PTGFR: variants seen among roughly 807,000 people sequenced by gnomAD.
PTGFR encodes the protein prostaglandin F receptor, also known as prostaglandin F2-alpha receptor.
Under a neutral mutation model 26.2 loss-of-function variants are expected in PTGFR, and 15 were observed. The observed-to-expected ratio is 0.57, with a 90% CI of 0.38 to 0.88. The LOEUF (loss-of-function observed/expected upper bound fraction) is 0.88, where lower values mean the gene tolerates loss of function less well. Ranked by LOEUF, PTGFR falls within the 40% of genes least tolerant of loss-of-function variation. PTGFR has a pLI of 0.00. For missense variants in PTGFR, 369 were observed against 427.2 expected, an observed-to-expected ratio of 0.86 and a Z score of 1.20; for synonymous variants, 165 against 151.1, an observed-to-expected ratio of 1.09 and a Z score of -0.68.
chr1:78,518,634 C>T (rs899692587), intron 2 of PTGFR, among the ~76,000 whole-genome samples: 3 of 148,534 alleles, frequency 2.0e-5, no homozygotes, highest in East Asian at 2.0e-4. Flanking sequence ...GCATTTATAG[C>T]AGAGCATGTA....
At chr1:78,512,927 G>T (rs1415846799) in intron 2 of PTGFR, among the ~76,000 whole-genome samples, 1 of 152,136 alleles carries the variant, frequency 6.6e-6, no homozygotes, top group Non-Finnish European at 1.5e-5. Context: ...TGAAATGCCT[G>T]CTCCGCCTTT....
intron 2 of PTGFR, among the ~76,000 whole-genome samples, chr1:78,517,640 C>T (rs918495258): frequency 5.3e-5 from 8 of 152,062 alleles, no homozygotes; most frequent in Admixed American, 3.3e-4. Flanking sequence ...AGGTCATTCA[C>T]TGGAGCAAGG....
At chr1:78,532,232 A>G in intron 2 of PTGFR, 1 of 411,352 alleles carries the variant, frequency 2.4e-6, no homozygotes, top group Non-Finnish European at 4.8e-6. Flanking sequence ...ACTCAACGAG[A>G]AATGACAGAA....
Position 78,505,718 on chromosome 1 carries a change from A to T in PTGFR, c.798+12177A>T, listed in dbSNP as rs145428654. Among the ~76,000 whole-genome samples the T allele has an allele frequency of 4.2e-3, 633 of 152,296 alleles. 5 individuals carry two copies. The highest frequency in any genetic ancestry group is 5.7e-3 in the Non-Finnish European group (386 of 68,020). ...CTCCCCACACCCCAAAGTCCGTGAC[A>T]ACCACTAATTTCTCTCTTTCTGGAT... On this transcript the variant is annotated intron_variant, in intron 2 of 2. Coordinates refer to ENST00000370757, the MANE Select transcript of PTGFR (RefSeq NM_000959.4).
intron 2 of PTGFR, among the ~76,000 whole-genome samples, chr1:78,502,235 A>G (rs565078584): frequency 3.3e-5 from 5 of 152,278 alleles, no homozygotes; most frequent in African/African-American, 1.2e-4. Flanking sequence ...CAGGGAGTAA[A>G]GGATAAAGAT....
intron 2 of PTGFR, among the ~76,000 whole-genome samples, chr1:78,513,326 T>C (rs906257950): frequency 1.3e-5 from 2 of 152,248 alleles, no homozygotes; most frequent in Middle Eastern, 3.4e-3. Flanking sequence ...AGGTTTCAGA[T>C]GGAAATGAGG....
chr1:78,539,511 G>A lies in PTGFR; in HGVS notation c.*2824G>A, dbSNP rs1371998760. 1 of 152,376 alleles carries A rather than the reference G, an allele frequency of 6.6e-6. No individual in the cohort carries two copies. The highest frequency in any genetic ancestry group is 1.5e-5 in the Non-Finnish European group (1 of 67,968). 9.4% of individuals were successfully genotyped at this position (152,376 alleles called of 1,614,324 possible). On this transcript the variant is annotated 3_prime_UTR_variant, in exon 3 of 3. Transcript: ENST00000370757. Reference sequence around the variant, plus strand: ...TGGGTGTCAAAGATTTTACCACCTGGTAAATAATGTTGGACTTCAACTTGT... The same window carrying A: ...TGGGTGTCAAAGATTTTACCACCTGATAAATAATGTTGGACTTCAACTTGT...
intron 2 of PTGFR, among the ~76,000 whole-genome samples, chr1:78,513,836 G>A (rs11162501): frequency 2.0e-4 from 30 of 152,320 alleles, no homozygotes; most frequent in Middle Eastern, 3.4e-3. Flanking sequence ...CAGGGTGCCC[G>A]GACTCCACCT....
intron 2 of PTGFR, among the ~76,000 whole-genome samples, chr1:78,512,748 G>A (rs1023095365): frequency 6.6e-6 from 1 of 152,164 alleles, no homozygotes; most frequent in African/African-American, 2.4e-5. Context: ...TAGAGGTGGG[G>A]CCTGGTGAGA....
At chr1:78,523,097 A>T (rs1463239071) in intron 2 of PTGFR, among the ~76,000 whole-genome samples, 2 of 152,074 alleles carry the variant, frequency 1.3e-5, no homozygotes, top group African/African-American at 4.8e-5. Context: ...GTGTAGGTGT[A>T]CTATAATCTC....
intron 2 of PTGFR, among the ~76,000 whole-genome samples, chr1:78,527,350 T>C (rs2100393732): frequency 6.6e-6 from 1 of 152,236 alleles, no homozygotes; most frequent in East Asian, 1.9e-4. Flanking sequence ...CAATGATTGA[T>C]GGCCTCTCTT....
intron 2 of PTGFR, among the ~76,000 whole-genome samples, chr1:78,534,564 TA>T (rs1253634161): frequency 6.6e-6 from 1 of 152,178 alleles, no homozygotes; most frequent in Non-Finnish European, 1.5e-5. Context: ...ATGATCGATC[TA>T]AAAAATTAGT....
At chr1:78,496,588 G>A in intron 2 of PTGFR, among the ~76,000 whole-genome samples, 1 of 152,184 alleles carries the variant, frequency 6.6e-6, no homozygotes, top group East Asian at 1.9e-4. Flanking sequence ...CTAAAAGGAG[G>A]AAAGGAGTAA....
intron 2 of PTGFR, among the ~76,000 whole-genome samples, chr1:78,523,804 G>C (rs562431020): frequency 6.6e-6 from 1 of 151,936 alleles, no homozygotes; most frequent in African/African-American, 2.4e-5. Flanking sequence ...TTGTTAGTTG[G>C]GGTCTGTCTG....
In PTGFR at chr1:78,537,763, G is replaced by T. The variant is rs904521179; in HGVS notation, c.*1076G>T. The T allele has an allele frequency of 3.3e-5, 5 of 152,104 alleles. No individual in the cohort carries two copies. Among genetic ancestry groups the T allele is most frequent in the African/African-American group, 1.2e-4 (5 of 41,424 alleles). 9.4% of individuals were successfully genotyped at this position (152,104 alleles called of 1,614,324 possible). A position where few individuals can be genotyped will look rare whatever the true frequency, so the allele number is the denominator to read the frequency against. ...AAAGCCTGTGCTACCAGTACTAAGA[G>T]GGGAAGACTGGCAATTTGCCAAGCA... On this transcript the variant is annotated 3_prime_UTR_variant, in exon 3 of 3. Coordinates refer to ENST00000370757, the MANE Select transcript of PTGFR (RefSeq NM_000959.4).
Position 78,493,421 on chromosome 1 carries a change from A to T in PTGFR, c.678A>T (p.Thr226=), listed in dbSNP as rs776039904. ...TGTGCAATGCAATCACAGGAATTAC[A>T]CTTTTAAGAGTTAAATTTAAAAGTC... is the stretch of plus-strand genomic sequence containing the variant. ...SLLCNAITGI[T]LLRVKFKSQQ... The change falls in exon 2 of 3, where the codon ACA becomes ACT. Residue 226 remains threonine, a synonymous_variant. Transcript: ENST00000370757. 1 of 1,613,272 alleles carries T rather than the reference A, an allele frequency of 6.2e-7. No individual in the cohort carries two copies. The highest frequency in any genetic ancestry group is 8.5e-7 in the Non-Finnish European group (1 of 1,179,508).
intron 2 of PTGFR, among the ~76,000 whole-genome samples, chr1:78,505,269 C>T (rs1323641588): frequency 6.6e-6 from 1 of 151,572 alleles, no homozygotes; most frequent in African/African-American, 2.4e-5. Flanking sequence ...ATTACAGGCA[C>T]CCACCACCAC....
At chr1:78,517,334 G>A (rs756171138) in intron 2 of PTGFR, among the ~76,000 whole-genome samples, 2 of 152,216 alleles carry the variant, frequency 1.3e-5, no homozygotes, top group Middle Eastern at 3.4e-3. Flanking sequence ...TATGGGTTAC[G>A]GTCTTCTGAA....
chr1:78,506,293 G>A (rs976779253), intron 2 of PTGFR, among the ~76,000 whole-genome samples: 1 of 151,826 alleles, frequency 6.6e-6, no homozygotes, highest in African/African-American at 2.4e-5. Context: ...TCTTAATGTT[G>A]AGCATCTTTT....
Sources: gnomAD v4.1 joint callset for allele counts (sites outside exome capture counted in the v4.1 genomes callset) on GRCh38, gnomAD v4.1.1 for gene constraint, MANE v1.5 for transcripts, NCBI Gene and HGNC (gene_info 2026-07-23, HGNC 2026-07-21) for gene names.